Variants in LGALS12 observed in about 807,000 individuals in gnomAD.
LGALS12 encodes the protein galectin 12, also known as galectin-12.
Under a neutral mutation model 36.8 loss-of-function variants are expected in LGALS12, and 36 were observed. That is an observed-to-expected ratio of 0.98 (90% CI 0.75 to 1.29). The LOEUF (loss-of-function observed/expected upper bound fraction) is 1.29. Among genes scored for constraint, LGALS12 ranks in the 50% most tolerant of loss-of-function variants. The probability of loss-of-function intolerance (pLI) is 0.00; values close to 1 mark genes in which losing one functional copy is unlikely to be tolerated. For synonymous variants in LGALS12, 145 were observed against 155.9 expected (o/e 0.93, Z 0.52); for missense variants, 366 against 394.3 (o/e 0.93, Z 0.61).
chr11:63,510,458 A>C lies in LGALS12; in HGVS notation c.493-5A>C. On this transcript the variant is annotated splice_region_variant and splice_polypyrimidine_tract_variant and intron_variant, in intron 4 of 8. Coordinates refer to ENST00000394618, the MANE Select transcript of LGALS12 (RefSeq NM_033101.4). ...CTGCTGATTCTTTTCTCTCTTTCTG[A>C]ACAGCCATTTGTGGAGGGCAGCAGA... 6.2e-7 allele frequency: 1 copy of C among 1,614,066 alleles called. No homozygotes were observed. Among genetic ancestry groups the C allele is most frequent in the South Asian group, 1.1e-5 (1 of 91,084 alleles).
At chr11:63,508,255 T>C (rs1590642977) in intron 1 of LGALS12, 1 of 1,247,774 alleles carries the variant, frequency 8.0e-7, no homozygotes, top group Non-Finnish European at 1.0e-6. Context: ...CTCCCTGGGG[T>C]CACTGCAGCC....
rs942565344 is a variant in LGALS12 at position 63,515,785 on chromosome 11, G to C, written c.798+72G>C. The C allele has an allele frequency of 2.0e-5, 30 of 1,523,412 alleles. No individual in the cohort carries two copies. In the African/African-American group the frequency reaches 4.1e-4, roughly 21 times the overall value. The allele number at this position is 1,523,412 out of a possible 1,614,324, so 94.4% of individuals were successfully genotyped here. A position where few individuals can be genotyped will look rare whatever the true frequency, so the allele number is the denominator to read the frequency against. On this transcript the variant is annotated intron_variant, in intron 8 of 8. Coordinates refer to ENST00000394618, the MANE Select transcript of LGALS12 (RefSeq NM_033101.4). The stretch of plus-strand genomic sequence containing the variant: ...GCTGAAGTCCCATAATGACCTGGGA[G>C]ATGCTGGGGCAGGTGTGCAGGACAG...
chr11:63,506,515 A>G lies in LGALS12; in HGVS notation c.57A>G (p.Pro19=). The part of the protein sequence containing the change: ...PIPDSFILQP[P]VFHPVVPYVT... The stretch of plus-strand genomic sequence containing the variant: ...CTGACAGCTTCATTCTGCAACCACC[A>G]GTCTTCCACCCGGTGAGTTGTCACT... The change falls in exon 1 of 9, where the codon CCA becomes CCG. Residue 19 remains proline, a synonymous_variant. Transcript: ENST00000394618. 2.5e-6 allele frequency: 4 copies of G among 1,614,184 alleles called. No homozygotes were observed. Among genetic ancestry groups the G allele is most frequent in the Non-Finnish European group, 3.4e-6 (4 of 1,180,018 alleles).
chr11:63,507,115 A>G (rs2016763492), intron 1 of LGALS12, among the ~76,000 whole-genome samples: 1 of 151,958 alleles, frequency 6.6e-6, no homozygotes, highest in Admixed American at 6.6e-5. Flanking sequence ...GCCTGGAGGG[A>G]GCCTGGGAAT....
In LGALS12 at chr11:63,516,392, G is replaced by A; in HGVS notation, c.944G>A (p.Ter315=). The change falls in exon 9 of 9, where the codon TGA becomes TAA. Residue 315 remains the stop codon, a stop_retained_variant. Transcript: ENST00000394618. ...GSVQLYCVHS[*] ...GTCCAGCTCTACTGTGTCCACTCCT[G>A]AGGATGGTTCCAGGGAAATACCGCC... The A allele has an allele frequency of 6.2e-7, 1 of 1,613,914 alleles. No homozygotes were observed. Among genetic ancestry groups the A allele is most frequent in the Non-Finnish European group, 8.5e-7 (1 of 1,180,002 alleles).
At chr11:63,509,673 A>T in intron 3 of LGALS12, 105 bp from the exon 4 acceptor site, 2 of 1,264,084 alleles carry the variant, frequency 1.6e-6, no homozygotes, top group Non-Finnish European at 2.3e-6. Flanking sequence ...ACGTGAAGTT[A>T]AGTGAGGCAA....
At chr11:63,510,537 C>A (rs2016886775) in intron 5 of LGALS12, 36 bp downstream of exon 5, 1 of 1,607,256 alleles carries the variant, frequency 6.2e-7, no homozygotes, top group Admixed American at 1.7e-5. Context: ...AGCAGCCACA[C>A]CAGCTGACCC....
At position 63,509,012 on chromosome 11, in the gene LGALS12, T is replaced by A. The variant is rs752985294; in HGVS notation, c.372+21T>A. On this transcript the variant is annotated intron_variant, in intron 3 of 8. Transcript: ENST00000394618. Reference sequence around the variant, plus strand: ...TGAAGGTGAAGGAAGGGACGGGCATTGGGTGGTCTAGAATTTGTGTCCTTG... The same window carrying A: ...TGAAGGTGAAGGAAGGGACGGGCATAGGGTGGTCTAGAATTTGTGTCCTTG... The A allele has an allele frequency of 1.1e-5, 18 of 1,592,648 alleles. No individual in the cohort carries two copies. The African/African-American group carries it at 2.0e-4, about 18-fold the overall frequency.
At chr11:63,511,897 T>C (rs1452657907) in intron 7 of LGALS12, 57 bp downstream of exon 7, 2 of 1,100,272 alleles carry the variant, frequency 1.8e-6, no homozygotes, top group Non-Finnish European at 2.8e-6. Flanking sequence ...GACAGTCACA[T>C]GCTATAAAAC....
chr11:63,512,442 G>A (rs1164397668), intron 7 of LGALS12, among the ~76,000 whole-genome samples: 1 of 152,214 alleles, frequency 6.6e-6, no homozygotes, highest in Non-Finnish European at 1.5e-5. Context: ...ACCTACTTGT[G>A]CAACCTTAGG....
At chr11:63,509,650 C>T (rs1397897656) in intron 3 of LGALS12, 128 bp from the exon 4 acceptor site, 1 of 929,524 alleles carries the variant, frequency 1.1e-6, no homozygotes, top group Non-Finnish European at 1.7e-6. Flanking sequence ...AATGTACCTA[C>T]CTCATAGAGA....
intron 8 of LGALS12, 98 bp from the exon 9 acceptor site, chr11:63,516,149 G>A: frequency 2.8e-6 from 4 of 1,444,558 alleles, no homozygotes; most frequent in East Asian, 2.3e-5. Context: ...CAGTCTTCGT[G>A]TCCTATGAGA....
At chr11:63,510,376 G>T (rs373000326) in intron 4 of LGALS12, 87 bp from the exon 5 acceptor site, 1 of 1,356,576 alleles carries the variant, frequency 7.4e-7, no homozygotes. Flanking sequence ...GAGCTGTAAA[G>T]GCCAGGGCTC....
At chr11:63,516,157 A>G (rs2017075593) in intron 8 of LGALS12, 90 bp from the exon 9 acceptor site, 1 of 1,472,312 alleles carries the variant, frequency 6.8e-7, no homozygotes, top group South Asian at 1.4e-5. Flanking sequence ...GTGTCCTATG[A>G]GAGGAGGAGG....
intron 4 of LGALS12, 112 bp from the exon 5 acceptor site, chr11:63,510,351 G>A (rs1039590212): frequency 1.2e-5 from 13 of 1,056,856 alleles, no homozygotes; most frequent in African/African-American, 7.9e-5. Flanking sequence ...CTGACCAGCC[G>A]AATGGGAACA....
rs536709250 is a variant in LGALS12 at position 63,508,918 on chromosome 11, G to A, written c.299G>A (p.Arg100Gln). 1.6e-5 allele frequency: 26 copies of A among 1,614,248 alleles called. No homozygotes were observed. Among genetic ancestry groups the A allele is most frequent in the Admixed American group, 5.0e-5 (3 of 60,034 alleles). Residue 100 changes from arginine to glutamine, a missense_variant, in exon 3 of 9, where the codon CGG (arginine) becomes CAG (glutamine). Arg to Gln is a conservative substitution (Grantham distance 43). Transcript: ENST00000394618. ...LHGGRWQREA[R>Q]WPHLALRRGS... ...GGTGGACGCTGGCAAAGGGAGGCCC[G>A]GTGGCCCCACCTGGCCCTGCGAAGA...
At chr11:63,509,954 C>T in intron 4 of LGALS12, 57 bp downstream of exon 4, 1 of 1,569,024 alleles carries the variant, frequency 6.4e-7, no homozygotes, top group Non-Finnish European at 8.6e-7. Flanking sequence ...TCCCCTGACT[C>T]CTGGACGGGC....
intron 3 of LGALS12, 109 bp downstream of exon 3, chr11:63,509,100 AG>A: frequency 2.3e-6 from 2 of 880,386 alleles, no homozygotes; most frequent in Non-Finnish European, 3.6e-6. Context: ...GGTAGTGGTC[AG>A]GTACCAAGAG....
In LGALS12 at chr11:63,511,139, G is replaced by C. The variant is rs746317243; in HGVS notation, c.558+34G>C. On this transcript the variant is annotated intron_variant, in intron 6 of 8. Coordinates refer to ENST00000394618, the MANE Select transcript of LGALS12 (RefSeq NM_033101.4). ...ACCTCCCTCCTGCTCTGTCAGGGCTGGGGGCGCAGCCTGGGTGAGCAGCTA... is the reference window on the plus strand; with the variant it reads ...ACCTCCCTCCTGCTCTGTCAGGGCTCGGGGCGCAGCCTGGGTGAGCAGCTA... 1.1e-5 allele frequency: 17 copies of C among 1,605,624 alleles called. No individual in the cohort carries two copies. In the East Asian group the frequency reaches 3.8e-4, roughly 36 times the overall value.
Sources: gnomAD v4.1 joint callset for allele counts (sites outside exome capture counted in the v4.1 genomes callset) on GRCh38, gnomAD v4.1.1 for gene constraint, MANE v1.5 for transcripts, NCBI Gene and HGNC (gene_info 2026-07-23, HGNC 2026-07-21) for gene names.